Variants in B3GNT8 observed in about 807,000 individuals in gnomAD.
B3GNT8 encodes the protein N-acetyllactosaminide beta-1,3-N-acetylglucosaminyltransferase 8.
For synonymous variants in B3GNT8, 258 were observed against 238.3 expected (o/e 1.08, Z -0.76); for missense variants, 502 against 530.5 (o/e 0.95, Z 0.53).
chr19:41,428,403 C>A (rs941418726), upstream of B3GNT8, among the ~76,000 whole-genome samples: 16 of 152,200 alleles, frequency 1.1e-4, no homozygotes, highest in Admixed American at 4.6e-4. The surrounding 1 kb of genome is among the most constrained non-coding windows in gnomAD (Gnocchi z 6.1). Flanking sequence ...CCTCCCCTCC[C>A]CCAGCGGCAC....
Position 41,426,231 on chromosome 19 carries a change from A to G in B3GNT8, c.548T>C (p.Leu183Pro). Residue 183 changes from leucine (L) to proline (P), a missense_variant, in exon 2 of 2, where the codon CTG (leucine) becomes CCG (proline). Physicochemically the swap from Leu to Pro is moderately conservative, Grantham distance 98. Transcript: ENST00000691102. This position sits in a 1 kb window ranked among gnomAD's most constrained non-coding sequence, Gnocchi z 4.9. ...SPAPGIRLLF[L>P]LGSPVGEAGP... ...CGCCTCACCCACCGGAGACCCTAGC[A>G]GGAAGAGCAGCCGGATCCCTGGAGC... 1 of 1,613,562 alleles carries G rather than the reference A, an allele frequency of 6.2e-7. No homozygotes were observed. Among genetic ancestry groups the G allele is most frequent in the Non-Finnish European group, 8.5e-7 (1 of 1,179,936 alleles).
At chr19:41,427,935 G>A (rs963052335), upstream of B3GNT8, among the ~76,000 whole-genome samples, 12 of 151,942 alleles carry the variant, frequency 7.9e-5, no homozygotes, top group African/African-American at 2.7e-4. The surrounding 1 kb of genome is among the most constrained non-coding windows in gnomAD (Gnocchi z 5.6). Flanking sequence ...GACGGCCAGG[G>A]AGCAGAGAGA....
Position 41,425,909 on chromosome 19 carries a change from G to A in B3GNT8, c.870C>T (p.Phe290=). Residue 290 remains phenylalanine, a synonymous_variant, in exon 2 of 2, where the codon TTC becomes TTT. Coordinates refer to ENST00000691102, the MANE Select transcript of B3GNT8 (RefSeq NM_001385648.2). Reference sequence around the variant, plus strand: ...CTTCGAAGAAGGACTCGGGCACATAGAAGGGTCCTCCTGGCTTCCGGAGAG... The same window carrying A: ...CTTCGAAGAAGGACTCGGGCACATAAAAGGGTCCTCCTGGCTTCCGGAGAG... ...AMPLRKPGGP[F]YVPESFFEGG... The A allele has an allele frequency of 6.2e-7, 1 of 1,613,240 alleles. No homozygotes were observed. Among genetic ancestry groups the A allele is most frequent in the Non-Finnish European group, 8.5e-7 (1 of 1,180,024 alleles).
Position 41,426,237 on chromosome 19 carries a change from A to C in B3GNT8, c.542T>G (p.Leu181Arg). The C allele has an allele frequency of 2.5e-6, 4 of 1,613,578 alleles. No individual in the cohort carries two copies. Among genetic ancestry groups the C allele is most frequent in the Non-Finnish European group, 3.4e-6 (4 of 1,180,014 alleles). Reference protein sequence around the residue: ...WGSPAPGIRLLFLLGSPVGEA... With the variant: ...WGSPAPGIRLRFLLGSPVGEA... ...ACCCACCGGAGACCCTAGCAGGAAG[A>C]GCAGCCGGATCCCTGGAGCTGGACT... Residue 181 changes from leucine to arginine, a missense_variant, in exon 2 of 2, where the codon CTC becomes CGC. Transcript: ENST00000691102. The surrounding 1 kb of genome is among the most constrained non-coding windows in gnomAD (Gnocchi z 4.9).
Position 41,425,481 on chromosome 19 carries a change from C to T in B3GNT8, c.*104G>A, listed in dbSNP as rs907960963. On this transcript the variant is annotated 3_prime_UTR_variant, in exon 2 of 2. Transcript: ENST00000691102. ...AGGAGTGGCTTAAGTTGTCCAGCTT[C>T]TGGGCCCTCCTCCCTCCCATCAAGA... 1.0e-6 allele frequency: 1 copy of T among 969,480 alleles called. No individual in the cohort carries two copies. The highest frequency in any genetic ancestry group is 1.4e-6 in the Non-Finnish European group (1 of 707,946). 60.1% of individuals were successfully genotyped at this position (969,480 alleles called of 1,614,324 possible). A position where few individuals can be genotyped will look rare whatever the true frequency, so the allele number is the denominator to read the frequency against.
chr19:41,425,625 C>G lies in B3GNT8; in HGVS notation c.1154G>C (p.Arg385Pro), dbSNP rs767002178. ...TGGGTCTTGCAGTTGTTTCCAGAGC[C>G]GAATGCTGGCCTGGGGGCCCAGGGG... ...VRPLGPQASI[R>P]LWKQLQDPRL... The change falls in exon 2 of 2, where the codon CGG (arginine) becomes CCG (proline). Residue 385 changes from arginine to proline, a missense_variant. Physicochemically the swap from Arg to Pro is moderately radical, Grantham distance 103. Coordinates refer to ENST00000691102, the MANE Select transcript of B3GNT8 (RefSeq NM_001385648.2). 6.6e-7 allele frequency: 1 copy of G among 1,515,422 alleles called. No individual in the cohort carries two copies. The highest frequency in any genetic ancestry group is 1.4e-5 in the African/African-American group (1 of 71,716). 93.9% of individuals were successfully genotyped at this position (1,515,422 alleles called of 1,614,324 possible). A position where few individuals can be genotyped will look rare whatever the true frequency, so the allele number is the denominator to read the frequency against.
At chr19:41,427,908 A>G (rs1175867165), upstream of B3GNT8, among the ~76,000 whole-genome samples, 1 of 151,224 alleles carries the variant, frequency 6.6e-6, no homozygotes, top group Non-Finnish European at 1.5e-5. The surrounding 1 kb of genome is among the most constrained non-coding windows in gnomAD (Gnocchi z 5.6). Context: ...AGACAGAGAC[A>G]TTGTGGAGAG....
At position 41,425,879 on chromosome 19, in the gene B3GNT8, G is replaced by A. The variant is rs375730174; in HGVS notation, c.900C>T (p.Gly300=). 5 of 1,613,170 alleles carry A rather than the reference G, an allele frequency of 3.1e-6. No individual in the cohort carries two copies. The highest frequency in any genetic ancestry group is 4.2e-6 in the Non-Finnish European group (5 of 1,180,004). Residue 300 remains glycine (G), a synonymous_variant, in exon 2 of 2, where the codon GGC becomes GGT. Transcript: ENST00000691102. ...CACCCCCGCTTGCATAGGCTGGGTA[G>A]CCACCTTCGAAGAAGGACTCGGGCA... The part of the protein sequence containing the change: ...FYVPESFFEG[G]YPAYASGGGY...
rs1490443512 is a variant in B3GNT8, at chr19:41,425,703, G to A, written c.1076C>T (p.Pro359Leu). The change falls in exon 2 of 2, where the codon CCA becomes CTA. Residue 359 changes from proline to leucine, a missense_variant. Transcript: ENST00000691102. ...ACAGTGGTCCGCAGTGCGGTCTGCT[G>A]GCCAGGCTGTGAGGAAGCCTGGGTG... ...QAHPGFLTAW[P>L]ADRTADHCAF... is the part of the protein sequence containing the mutation. 2.6e-6 allele frequency: 4 copies of A among 1,568,476 alleles called. No homozygotes were observed. Among genetic ancestry groups the A allele is most frequent in the Non-Finnish European group, 2.6e-6 (3 of 1,157,488 alleles).
rs771289136 is a variant in B3GNT8, at chr19:41,425,808, G to C, written c.971C>G (p.Ala324Gly). The change falls in exon 2 of 2, where the codon GCA (alanine) becomes GGA (glycine). Residue 324 changes from alanine to glycine, a missense_variant. Physicochemically the swap from Ala to Gly is moderately conservative, Grantham distance 60 (BLOSUM62 0). Coordinates refer to ENST00000691102, the MANE Select transcript of B3GNT8 (RefSeq NM_001385648.2). ...GRLAPWLLRA[A>G]ARVAPFPFED... ...AAAGGGGAAGGGTGCCACACGGGCT[G>C]CCGCCCGCAGCAGCCAGGGTGCCAG... The C allele has an allele frequency of 1.2e-6, 2 of 1,612,826 alleles. No homozygotes were observed. The highest frequency in any genetic ancestry group is 2.2e-5 in the South Asian group (2 of 91,066).
chr19:41,425,553 C>G lies in B3GNT8; in HGVS notation c.*32G>C. 2.1e-6 allele frequency: 3 copies of G among 1,454,832 alleles called. No homozygotes were observed. Among genetic ancestry groups the G allele is most frequent in the Non-Finnish European group, 2.7e-6 (3 of 1,100,220 alleles). The allele number at this position is 1,454,832 out of a possible 1,614,324, so 90.1% of individuals were successfully genotyped here. A position where few individuals can be genotyped will look rare whatever the true frequency, so the allele number is the denominator to read the frequency against. ...AGGGGCCGGCCCCAGAGGCCCAGGC[C>G]AGGTCAGCACCTCCGCCCTCCCCAA... On this transcript the variant is annotated 3_prime_UTR_variant, in exon 2 of 2. Transcript: ENST00000691102.
In B3GNT8 at chr19:41,425,954, C is replaced by G; in HGVS notation, c.825G>C (p.Glu275Asp). 1 of 1,613,298 alleles carries G rather than the reference C, an allele frequency of 6.2e-7. No homozygotes were observed. Among genetic ancestry groups the G allele is most frequent in the Non-Finnish European group, 8.5e-7 (1 of 1,179,944 alleles). ...PASARSLYLG[E>D]VFTQAMPLRK... Reference sequence around the variant, plus strand: ...GGAGAGGCATGGCCTGGGTAAAGACCTCACCCAGGTAGAGGCTTCGGGCCG... The same window carrying G: ...GGAGAGGCATGGCCTGGGTAAAGACGTCACCCAGGTAGAGGCTTCGGGCCG... The change falls in exon 2 of 2, where the codon GAG becomes GAC. Residue 275 changes from glutamate to aspartate, a missense_variant. Coordinates refer to ENST00000691102, the MANE Select transcript of B3GNT8 (RefSeq NM_001385648.2).
chr19:41,425,461 T>TG lies in B3GNT8; in HGVS notation c.*123dup. On this transcript the variant is annotated 3_prime_UTR_variant, in exon 2 of 2. Coordinates refer to ENST00000691102, the MANE Select transcript of B3GNT8 (RefSeq NM_001385648.2). ...CCCCTGGCTGGGGGAGGCCAAGGAG[T>TG]GGCTTAAGTTGTCCAGCTTCTGGGC... 1.4e-6 allele frequency: 1 copy of TG among 704,740 alleles called. No individual in the cohort carries two copies. Among genetic ancestry groups the TG allele is most frequent in the Non-Finnish European group, 2.1e-6 (1 of 482,664 alleles). 43.7% of individuals were successfully genotyped at this position (704,740 alleles called of 1,614,324 possible). A position where few individuals can be genotyped will look rare whatever the true frequency, so the allele number is the denominator to read the frequency against.
Position 41,426,010 on chromosome 19 carries a change from G to T in B3GNT8, c.769C>A (p.Leu257Met). Residue 257 changes from leucine to methionine, a missense_variant, in exon 2 of 2, where the codon CTG becomes ATG. Transcript: ENST00000691102. The surrounding 1 kb of genome is among the most constrained non-coding windows in gnomAD (Gnocchi z 4.9). ...GGTGGCAGGGCCCGCAGGTGAGCCA[G>T]CAGGGCAGGGGTGTGTACAAAGGCA... ...DDAFVHTPAL[L>M]AHLRALPPAS... is the part of the protein sequence containing the mutation. 6.2e-7 allele frequency: 1 copy of T among 1,612,138 alleles called. No individual in the cohort carries two copies. Among genetic ancestry groups the T allele is most frequent in the Non-Finnish European group, 8.5e-7 (1 of 1,178,830 alleles).
rs1257878971 is a variant in B3GNT8 at position 41,426,071 on chromosome 19, G to A, written c.708C>T (p.Cys236=). 18 of 1,613,610 alleles carry A rather than the reference G, an allele frequency of 1.1e-5. No homozygotes were observed. The highest frequency in any genetic ancestry group is 2.2e-5 in the East Asian group (1 of 44,890). ...LLLLAWLGRH[C]PTVSFVLRAQ... is the part of the protein sequence containing the mutation. ...CTCGCAAGACAAAACTCACGGTGGG[G>A]CAGTGGCGGCCCAGCCAGGCCAGCA... The change falls in exon 2 of 2, where the codon TGC becomes TGT. Residue 236 remains cysteine (C), a synonymous_variant. Coordinates refer to ENST00000691102, the MANE Select transcript of B3GNT8 (RefSeq NM_001385648.2). This position sits in a 1 kb window ranked among gnomAD's most constrained non-coding sequence, Gnocchi z 4.9.
chr19:41,426,258 G>A lies in B3GNT8; in HGVS notation c.521C>T (p.Pro174Leu), dbSNP rs2039433824. Residue 174 changes from proline (P) to leucine (L), a missense_variant, in exon 2 of 2, where the codon CCA (proline) becomes CTA (leucine). Pro to Leu is a moderately conservative substitution (Grantham distance 98). Coordinates refer to ENST00000691102, the MANE Select transcript of B3GNT8 (RefSeq NM_001385648.2). The surrounding 1 kb of genome is among the most constrained non-coding windows in gnomAD (Gnocchi z 4.9). ...GAAGAGCAGCCGGATCCCTGGAGCT[G>A]GACTGCCCCACGTCTCTCTCACGGC... Reference protein sequence around the residue: ...RQAVRETWGSPAPGIRLLFLL... With the variant: ...RQAVRETWGSLAPGIRLLFLL... 1.2e-6 allele frequency: 2 copies of A among 1,613,334 alleles called. No individual in the cohort carries two copies. Among genetic ancestry groups the A allele is most frequent in the Non-Finnish European group, 1.7e-6 (2 of 1,180,020 alleles).
chr19:41,425,986 G>C lies in B3GNT8; in HGVS notation c.793C>G (p.Pro265Ala), dbSNP rs759217658. 4 of 1,612,308 alleles carry C rather than the reference G, an allele frequency of 2.5e-6. No individual in the cohort carries two copies. In the East Asian group the frequency reaches 8.9e-5, roughly 36 times the overall value. Reference sequence around the variant, plus strand: ...AGGTAGAGGCTTCGGGCCGAGGCAGGTGGCAGGGCCCGCAGGTGAGCCAGC... The same window carrying C: ...AGGTAGAGGCTTCGGGCCGAGGCAGCTGGCAGGGCCCGCAGGTGAGCCAGC... ...ALLAHLRALPPASARSLYLGE... is the reference protein window; with the variant it reads ...ALLAHLRALPAASARSLYLGE... Residue 265 changes from proline to alanine, a missense_variant, in exon 2 of 2, where the codon CCT becomes GCT. Pro to Ala is a conservative substitution (Grantham distance 27). Coordinates refer to ENST00000691102, the MANE Select transcript of B3GNT8 (RefSeq NM_001385648.2).
Position 41,426,775 on chromosome 19 carries a change from G to T in B3GNT8, c.4C>A (p.Arg2Ser). Residue 2 changes from arginine (R) to serine (S), a missense_variant, in exon 2 of 2, where the codon CGC becomes AGC. By Grantham distance (110) the Arg-to-Ser change is moderately radical. Transcript: ENST00000691102. This position sits in a 1 kb window ranked among gnomAD's most constrained non-coding sequence, Gnocchi z 4.9. M[R>S]CPKCLLCLSA... ...AGGCAGAGAAGGCACTTGGGGCAGC[G>T]CATGACCCGGCCCAGGGAAGGGGCG... 1 of 1,611,066 alleles carries T rather than the reference G, an allele frequency of 6.2e-7. No homozygotes were observed.
chr19:41,425,821 G>T lies in B3GNT8; in HGVS notation c.958C>A (p.Leu320Met). Residue 320 changes from leucine (L) to methionine (M), a missense_variant, in exon 2 of 2, where the codon CTG (leucine) becomes ATG (methionine). Physicochemically the swap from Leu to Met is conservative, Grantham distance 15. Transcript: ENST00000691102. ...GCCACACGGGCTGCCGCCCGCAGCAGCCAGGGTGCCAGGCGCCCGGCAATG... is the reference window on the plus strand; with the variant it reads ...GCCACACGGGCTGCCGCCCGCAGCATCCAGGGTGCCAGGCGCCCGGCAATG... ...YVIAGRLAPW[L>M]LRAAARVAPF... The T allele has an allele frequency of 1.2e-6, 2 of 1,613,004 alleles. No homozygotes were observed. The highest frequency in any genetic ancestry group is 2.2e-5 in the East Asian group (1 of 44,868).
Sources: allele counts gnomAD v4.1 joint callset (sites outside exome capture counted in the v4.1 genomes callset), GRCh38; gene constraint gnomAD v4.1.1; non-coding constraint Gnocchi (gnomAD v3.1); transcripts MANE v1.5; gene names NCBI Gene and HGNC (gene_info 2026-07-23, HGNC 2026-07-21).